CNTN5: variants seen among roughly 807,000 people sequenced by gnomAD.
CNTN5 encodes contactin 5.
A neutral mutation model predicts 129.1 loss-of-function variants in CNTN5; 77 were observed. The ratio of observed to expected loss-of-function variants is 0.60; its 90% confidence interval spans 0.50 to 0.72. The LOEUF (loss-of-function observed/expected upper bound fraction) is 0.72, where lower values mean the gene tolerates loss of function less well. Among genes scored for constraint, CNTN5 ranks in the 30% least tolerant of loss-of-function variants. The probability of loss-of-function intolerance (pLI) is 0.00; values close to 1 mark genes in which losing one functional copy is unlikely to be tolerated. For synonymous variants in CNTN5, 509 were observed against 465.6 expected, an observed-to-expected ratio of 1.09 and a Z score of -1.20; for missense variants, 1,478 against 1,328.8, an observed-to-expected ratio of 1.11 and a Z score of -1.75.
intron 1 of CNTN5, among the ~76,000 whole-genome samples, chr11:99,196,541 T>G (rs1219100289): frequency 6.6e-6 from 1 of 151,976 alleles, no homozygotes; most frequent in Non-Finnish European, 1.5e-5. Context: ...TTATTTTCTT[T>G]CAGTTGTACA....
chr11:100,351,303 A>G (rs1952406120), intron 24 of CNTN5, among the ~76,000 whole-genome samples: 1 of 151,644 alleles, frequency 6.6e-6, no homozygotes. Context: ...TGATTTCTAA[A>G]CAAATTATAA....
chr11:99,691,660 T>C (rs1443546561), intron 3 of CNTN5, among the ~76,000 whole-genome samples: 2 of 152,188 alleles, frequency 1.3e-5, no homozygotes, highest in African/African-American at 4.8e-5. Flanking sequence ...AGGAGTCTTT[T>C]ACTTCTGAAT....
At chr11:100,004,535 T>G (rs1164699691) in intron 9 of CNTN5, among the ~76,000 whole-genome samples, 1 of 152,222 alleles carries the variant, frequency 6.6e-6, no homozygotes, top group African/African-American at 2.4e-5. Context: ...CACATACGTG[T>G]TTCTCCACTT....
intron 1 of CNTN5, among the ~76,000 whole-genome samples, chr11:99,153,363 A>G (rs1860167272): frequency 6.6e-6 from 1 of 151,904 alleles, no homozygotes; most frequent in Non-Finnish European, 1.5e-5. Flanking sequence ...TGTCAGATGG[A>G]GTTATTTTAG....
chr11:99,143,804 A>AT (rs958795126), intron 1 of CNTN5, among the ~76,000 whole-genome samples: 42 of 152,064 alleles, frequency 2.8e-4, no homozygotes, highest in East Asian at 5.8e-4. Context: ...AACATAACAC[A>AT]TTTTTTTTGT....
chr11:99,562,521 G>A (rs1402738587), intron 3 of CNTN5, among the ~76,000 whole-genome samples: 1 of 152,002 alleles, frequency 6.6e-6, no homozygotes, highest in African/African-American at 2.4e-5. Context: ...ATTAACTGTG[G>A]TACATGTTTC....
At chr11:99,555,010 T>C (rs1265023651) in intron 2 of CNTN5, among the ~76,000 whole-genome samples, 1 of 151,992 alleles carries the variant, frequency 6.6e-6, no homozygotes, top group East Asian at 1.9e-4. Flanking sequence ...CCATTAATGA[T>C]CCCCAAATAT....
chr11:99,819,304 C>CCTCCCCTCTT (rs1565566835), intron 3 of CNTN5, among the ~76,000 whole-genome samples: 1 of 37,414 alleles, frequency 2.7e-5, no homozygotes, highest in Non-Finnish European at 5.6e-5. Context: ...CCTCCCCTTC[C>CCTCCCCTCTT]CTCCCCTCTC....
intron 1 of CNTN5, among the ~76,000 whole-genome samples, chr11:99,087,191 C>A (rs1162061192): frequency 6.6e-6 from 1 of 152,128 alleles, no homozygotes; most frequent in East Asian, 1.9e-4. Context: ...AATCTCACAG[C>A]AATTCTCACA....
At chr11:99,299,312 A>T (rs1043667217) in intron 1 of CNTN5, among the ~76,000 whole-genome samples, 1 of 152,174 alleles carries the variant, frequency 6.6e-6, no homozygotes, top group Admixed American at 6.5e-5. Context: ...ACATGATAAC[A>T]GTGTCTCAAC....
At chr11:99,845,664 G>A (rs895739138) in intron 6 of CNTN5, among the ~76,000 whole-genome samples, 1 of 152,062 alleles carries the variant, frequency 6.6e-6, no homozygotes, top group African/African-American at 2.4e-5. Context: ...GAGCCACCGC[G>A]CCCGGCCCTT....
chr11:99,156,222 GTTGA>G (rs1327378136), intron 1 of CNTN5, among the ~76,000 whole-genome samples: 1 of 151,992 alleles, frequency 6.6e-6, no homozygotes. Context: ...AATCTTATAA[GTTGA>G]TTAAGAATGT....
At chr11:99,995,491 T>G (rs1411561925) in intron 8 of CNTN5, among the ~76,000 whole-genome samples, 1 of 152,194 alleles carries the variant, frequency 6.6e-6, no homozygotes, top group Admixed American at 6.5e-5. Flanking sequence ...AATGGTTTTC[T>G]CGCCAAAGGT....
At chr11:99,623,611 A>G (rs1024445057) in intron 3 of CNTN5, among the ~76,000 whole-genome samples, 3 of 152,062 alleles carry the variant, frequency 2.0e-5, no homozygotes, top group African/African-American at 7.2e-5. Context: ...CCACAAACCC[A>G]GGGTCTCGGG....
intron 7 of CNTN5, among the ~76,000 whole-genome samples, chr11:99,939,397 A>C (rs1203785133): frequency 6.6e-6 from 1 of 152,110 alleles, no homozygotes; most frequent in Admixed American, 6.6e-5. Context: ...ATTAACCTCA[A>C]AATGATTGAG....
At chr11:99,226,870 G>A (rs1860714903) in intron 1 of CNTN5, among the ~76,000 whole-genome samples, 1 of 152,138 alleles carries the variant, frequency 6.6e-6, no homozygotes, top group African/African-American at 2.4e-5. Flanking sequence ...CTAGCTGTGT[G>A]ATATTATTAG....
intron 18 of CNTN5, among the ~76,000 whole-genome samples, chr11:100,288,731 TAGC>T (rs1950868314): frequency 1.3e-5 from 2 of 151,596 alleles, no homozygotes; most frequent in Admixed American, 6.6e-5. Context: ...ATTCAAAAGC[TAGC>T]AGAAGGCAAG....
chr11:99,339,788 GAA>G (rs60995909), intron 2 of CNTN5, among the ~76,000 whole-genome samples: 3,988 of 140,670 alleles, frequency 0.028, 187 homozygotes, highest in African/African-American at 0.091. Flanking sequence ...ACTCAAAAAA[GAA>G]AAAAAAAAAA....
At chr11:100,115,770 A>C (rs1945821983) in intron 13 of CNTN5, among the ~76,000 whole-genome samples, 1 of 152,072 alleles carries the variant, frequency 6.6e-6, no homozygotes, top group Non-Finnish European at 1.5e-5. Context: ...TATATGCCTG[A>C]TTGGAAATAA....
Sources: gnomAD v4.1 joint callset for allele counts (sites outside exome capture counted in the v4.1 genomes callset) on GRCh38, gnomAD v4.1.1 for gene constraint, MANE v1.5 for transcripts, NCBI Gene and HGNC (gene_info 2026-07-23, HGNC 2026-07-21) for gene names.